XRN2: variants seen among roughly 807,000 people sequenced by gnomAD.
XRN2 encodes the protein DHM1-like protein.
In XRN2, 44 loss-of-function variants were observed where a neutral mutation model predicts 138.5. The observed-to-expected ratio is 0.32, with a 90% confidence interval of 0.25 to 0.41. The LOEUF is 0.41. XRN2 is among the 10% of genes least tolerant of loss of function. XRN2 has a pLI of 1.00. For synonymous variants in XRN2, 354 were observed against 369.4 expected, an observed-to-expected ratio of 0.96 and a Z score of 0.48; for missense variants, 937 against 1,169.3, an observed-to-expected ratio of 0.80 and a Z score of 2.90.
intron 4 of XRN2, 144 bp downstream of exon 4, chr20:21,328,814 T>G: frequency 1.4e-6 from 1 of 724,266 alleles, no homozygotes; most frequent in Admixed American, 2.9e-5. Context: ...TGAGGAAAAG[T>G]AGTTCATGAA....
chr20:21,342,819 C>T (rs1170277539), intron 15 of XRN2, among the ~76,000 whole-genome samples: 1 of 152,168 alleles, frequency 6.6e-6, no homozygotes, highest in African/African-American at 2.4e-5. Context: ...CAAGGCCACA[C>T]AGCCAGTAAA....
At chr20:21,306,672 C>T (rs528690563) in intron 1 of XRN2, among the ~76,000 whole-genome samples, 1 of 76,294 alleles carries the variant, frequency 1.3e-5, no homozygotes, top group African/African-American at 3.6e-5. Flanking sequence ...AATAGAAGCA[C>T]GTTATTTGGA....
intron 27 of XRN2, among the ~76,000 whole-genome samples, chr20:21,370,635 T>C (rs1249650248): frequency 6.6e-6 from 1 of 152,220 alleles, no homozygotes; most frequent in East Asian, 1.9e-4. Flanking sequence ...TAACCCTATA[T>C]TTCTGGAAGA....
At chr20:21,336,185 C>T (rs994850711) in intron 13 of XRN2, among the ~76,000 whole-genome samples, 2 of 152,156 alleles carry the variant, frequency 1.3e-5, no homozygotes, top group African/African-American at 4.8e-5. Context: ...ATTGGCTAAG[C>T]GTGGTGGCTC....
chr20:21,366,678 A>G (rs1459332166), intron 26 of XRN2, among the ~76,000 whole-genome samples: 1 of 152,204 alleles, frequency 6.6e-6, no homozygotes, highest in Non-Finnish European at 1.5e-5. Context: ...TTGCTTACAT[A>G]CTTAAAACCA....
chr20:21,342,403 T>C (rs1003313622), intron 15 of XRN2, among the ~76,000 whole-genome samples: 3 of 152,234 alleles, frequency 2.0e-5, no homozygotes, highest in Admixed American at 1.3e-4. Flanking sequence ...GAATCTGGTA[T>C]GTTCACAAGG....
chr20:21,373,657 C>T (rs914790663), intron 27 of XRN2, among the ~76,000 whole-genome samples: 1 of 152,212 alleles, frequency 6.6e-6, no homozygotes, highest in Admixed American at 6.5e-5. Flanking sequence ...TCAGTCTTTG[C>T]ACTTTTAGCT....
intron 20 of XRN2, among the ~76,000 whole-genome samples, chr20:21,352,099 A>G (rs2038517110): frequency 6.6e-6 from 1 of 152,184 alleles, no homozygotes; most frequent in South Asian, 2.1e-4. Context: ...ACAATGTTTT[A>G]TATAAATATT....
intron 1 of XRN2, among the ~76,000 whole-genome samples, chr20:21,319,200 C>G (rs2038004068): frequency 6.6e-6 from 1 of 152,108 alleles, no homozygotes; most frequent in Non-Finnish European, 1.5e-5. Flanking sequence ...AGTATAGCCA[C>G]TCCAGTTTTC....
intron 19 of XRN2, 57 bp downstream of exon 19, chr20:21,348,487 T>C (rs752755871): frequency 1.8e-5 from 27 of 1,498,748 alleles, no homozygotes; most frequent in Non-Finnish European, 2.5e-5. Context: ...ATTTTATTCA[T>C]ATCAGTTACA....
chr20:21,310,839 G>A (rs938364659), intron 1 of XRN2, among the ~76,000 whole-genome samples: 1 of 151,960 alleles, frequency 6.6e-6, no homozygotes, highest in Non-Finnish European at 1.5e-5. Flanking sequence ...CCGCCACCCG[G>A]TTTCATGCCA....
At chr20:21,320,219 C>T (rs1438380041) in intron 1 of XRN2, among the ~76,000 whole-genome samples, 2 of 151,926 alleles carry the variant, frequency 1.3e-5, no homozygotes, top group Non-Finnish European at 2.9e-5. Flanking sequence ...TTGTTTGTTT[C>T]CACTTCTTTA....
chr20:21,374,770 C>T lies in XRN2; in HGVS notation c.2584+6180C>T, dbSNP rs559820287. On this transcript the variant is annotated intron_variant, in intron 27 of 29. Coordinates refer to ENST00000377191, the MANE Select transcript of XRN2 (RefSeq NM_012255.5). The stretch of plus-strand genomic sequence containing the variant: ...ATTAGTTTTATTTCCCTTTTTTGGA[C>T]GTTCTGGGGTAGGGTTTTTCTGGCC... Among the ~76,000 whole-genome samples, 8 of 151,804 alleles carry T rather than the reference C, an allele frequency of 5.3e-5. No homozygotes were observed. The South Asian group carries it at 8.3e-4, about 16-fold the overall frequency.
intron 28 of XRN2, 25 bp from the exon 29 acceptor site, chr20:21,386,843 A>C (rs1230958563): frequency 3.1e-6 from 5 of 1,600,612 alleles, no homozygotes; most frequent in African/African-American, 2.7e-5. Flanking sequence ...GTGGCTTCTG[A>C]TGTAAAACTG....
chr20:21,372,454 A>C (rs1031706302), intron 27 of XRN2, among the ~76,000 whole-genome samples: 2 of 152,206 alleles, frequency 1.3e-5, no homozygotes, highest in Non-Finnish European at 2.9e-5. Context: ...AGGAGAGCTA[A>C]TTTTTAAAAT....
chr20:21,358,320 A>G (rs2038599020), intron 24 of XRN2, among the ~76,000 whole-genome samples: 1 of 152,214 alleles, frequency 6.6e-6, no homozygotes, highest in Non-Finnish European at 1.5e-5. Context: ...AAACTAATTT[A>G]TATCTCAGTT....
At chr20:21,337,944 G>A (rs1008760132) in intron 13 of XRN2, among the ~76,000 whole-genome samples, 2 of 152,164 alleles carry the variant, frequency 1.3e-5, no homozygotes, top group Non-Finnish European at 2.9e-5. Flanking sequence ...ACCTACACAA[G>A]AGACGTTTCA....
chr20:21,333,032 A>T (rs2038235806), intron 9 of XRN2, among the ~76,000 whole-genome samples: 1 of 152,202 alleles, frequency 6.6e-6, no homozygotes, highest in African/African-American at 2.4e-5. Flanking sequence ...GGGAAAAAGA[A>T]TATGGTGCCT....
chr20:21,346,297 T>A, intron 16 of XRN2, 118 bp from the exon 17 acceptor site: 1 of 1,320,656 alleles, frequency 7.6e-7, no homozygotes, highest in Non-Finnish European at 1.1e-6. Flanking sequence ...CATGACTGTT[T>A]AACTCTTTCA....
Sources: allele counts gnomAD v4.1 joint callset (sites outside exome capture counted in the v4.1 genomes callset), GRCh38; gene constraint gnomAD v4.1.1; transcripts MANE v1.5; gene names NCBI Gene and HGNC (gene_info 2026-07-23, HGNC 2026-07-21).